The following NPIPB2 variants were observed in gnomAD, a reference collection of about 807,000 sequenced individuals.
NPIPB2 encodes the protein nuclear pore complex interacting protein family member B2, also known as nuclear pore complex-interacting protein family member B2.
A neutral mutation model predicts 30.8 loss-of-function variants in NPIPB2; 27 were observed. The observed-to-expected ratio is 0.88, with a 90% CI of 0.65 to 1.21. The LOEUF is 1.21. Among genes scored for constraint, NPIPB2 ranks in the 50% most tolerant of loss-of-function variants. NPIPB2 has a pLI of 0.00. For missense variants in NPIPB2, 440 were observed against 446.2 expected, an observed-to-expected ratio of 0.99 and a Z score of 0.13; for synonymous variants, 147 against 162.0, an observed-to-expected ratio of 0.91 and a Z score of 0.70.
intron 1 of NPIPB2, among the ~76,000 whole-genome samples, chr16:11,954,450 C>T (rs1305417513): frequency 6.7e-6 from 1 of 149,074 alleles, no homozygotes; most frequent in East Asian, 2.0e-4. Flanking sequence ...TGCACTCCAG[C>T]CTGGGTGACA....
chr16:11,953,713 T>A (rs796416697), intron 1 of NPIPB2, among the ~76,000 whole-genome samples: 68 of 3,884 alleles, frequency 0.018, no homozygotes, highest in African/African-American at 0.025. Context: ...TTTACTTTAA[T>A]TTTTTTTTTT....
intron 1 of NPIPB2, among the ~76,000 whole-genome samples, chr16:11,960,853 A>AC (rs1555509970): frequency 2.0e-5 from 3 of 147,098 alleles, no homozygotes; most frequent in Non-Finnish European, 3.0e-5. Flanking sequence ...GTTATGGGAG[A>AC]TTTTTTTTTC....
chr16:11,942,470 C>A (rs2054953747), upstream of NPIPB2, among the ~76,000 whole-genome samples: 1 of 150,296 alleles, frequency 6.7e-6, no homozygotes, highest in African/African-American at 2.4e-5. Flanking sequence ...TCTCAAATCA[C>A]CCCTAACCCA....
At chr16:11,953,632 G>T (rs1156900897) in intron 1 of NPIPB2, among the ~76,000 whole-genome samples, 1 of 151,874 alleles carries the variant, frequency 6.6e-6, no homozygotes, top group African/African-American at 2.4e-5. Context: ...TTACAGGCAT[G>T]AGCCACTGTG....
At chr16:11,966,787 A>G (rs1221080916) in intron 1 of NPIPB2, among the ~76,000 whole-genome samples, 1 of 152,182 alleles carries the variant, frequency 6.6e-6, no homozygotes, top group Non-Finnish European at 1.5e-5. Flanking sequence ...AATGTTAGAA[A>G]TGAATAACCA....
intron 1 of NPIPB2, chr16:11,965,490 T>C (rs2150939792): frequency 6.2e-7 from 1 of 1,608,330 alleles, no homozygotes; most frequent in Middle Eastern, 1.7e-4. Flanking sequence ...TTCATTGGTG[T>C]GAACTATTCT....
chr16:11,972,747 C>T (rs908778411), intron 1 of NPIPB2, among the ~76,000 whole-genome samples: 1 of 151,854 alleles, frequency 6.6e-6, no homozygotes, highest in Non-Finnish European at 1.5e-5. Context: ...GCCTGTAATC[C>T]CAGCTACTTG....
chr16:11,971,643 C>A (rs1045331987), intron 1 of NPIPB2, among the ~76,000 whole-genome samples: 19 of 151,998 alleles, frequency 1.3e-4, no homozygotes, highest in Admixed American at 1.2e-3. Flanking sequence ...TACAACTGTG[C>A]GGCACCAAGC....
intron 1 of NPIPB2, among the ~76,000 whole-genome samples, chr16:11,941,564 C>T (rs189451493): frequency 1.4e-4 from 21 of 151,154 alleles, no homozygotes; most frequent in African/African-American, 3.7e-4. Flanking sequence ...CAACAGGACA[C>T]GCGGGGCAAG....
intron 1 of NPIPB2, among the ~76,000 whole-genome samples, chr16:11,975,948 C>A (rs1464254030): frequency 6.6e-6 from 1 of 151,608 alleles, no homozygotes; most frequent in Non-Finnish European, 1.5e-5. Context: ...TGCTTGAGTC[C>A]TTTTTTTCTT....
intron 1 of NPIPB2, chr16:11,965,272 C>G: frequency 1.2e-6 from 2 of 1,609,650 alleles, no homozygotes; most frequent in East Asian, 2.2e-5. Flanking sequence ...AGAGATATTA[C>G]TTGTCCTTCC....
chr16:11,972,176 A>G (rs534016402), intron 1 of NPIPB2, among the ~76,000 whole-genome samples: 46 of 152,182 alleles, frequency 3.0e-4, no homozygotes, highest in African/African-American at 1.0e-3. Flanking sequence ...CAACAAAAAA[A>G]TTTCTGTGTT....
chr16:11,954,077 A>G (rs201592345), intron 1 of NPIPB2, among the ~76,000 whole-genome samples: 2 of 151,880 alleles, frequency 1.3e-5, no homozygotes, highest in East Asian at 3.9e-4. Flanking sequence ...TTTTATTAAT[A>G]GGCATTTTGG....
intron 1 of NPIPB2, among the ~76,000 whole-genome samples, chr16:11,974,264 T>C (rs1355157515): frequency 6.6e-6 from 1 of 152,178 alleles, no homozygotes; most frequent in Non-Finnish European, 1.5e-5. Flanking sequence ...ATGCCTGTAA[T>C]CCCAGCACTT....
intron 1 of NPIPB2, among the ~76,000 whole-genome samples, chr16:11,955,575 G>A (rs1417207812): frequency 6.6e-6 from 1 of 151,602 alleles, no homozygotes; most frequent in Admixed American, 6.6e-5. Context: ...AAAATAGCCA[G>A]GCATGGTGGC....
chr16:11,946,371 G>A (rs2150923239), upstream of NPIPB2, among the ~76,000 whole-genome samples: 1 of 84,302 alleles, frequency 1.2e-5, no homozygotes, highest in South Asian at 3.9e-4. Flanking sequence ...GGCAATAAAA[G>A]CTAAACTCTA....
intron 1 of NPIPB2, among the ~76,000 whole-genome samples, chr16:11,957,311 T>G (rs1331495181): frequency 6.6e-6 from 1 of 151,890 alleles, no homozygotes; most frequent in Non-Finnish European, 1.5e-5. Flanking sequence ...ACTACAGGCG[T>G]GTGACACCAC....
chr16:11,933,733 G>A (rs1221366562), intron 3 of NPIPB2, 21 bp from the exon 4 acceptor site: 3 of 1,596,738 alleles, frequency 1.9e-6, no homozygotes, highest in East Asian at 2.2e-5. Context: ...GTGAGGAGAG[G>A]AGAAGGTGAG....
chr16:11,958,488 G>A (rs549065779), intron 1 of NPIPB2, among the ~76,000 whole-genome samples: 13 of 151,602 alleles, frequency 8.6e-5, no homozygotes, highest in African/African-American at 2.4e-4. Flanking sequence ...CTAGCACTTT[G>A]GGAGGCCAAG....
Sources: gnomAD v4.1 joint callset for allele counts (sites outside exome capture counted in the v4.1 genomes callset) on GRCh38, gnomAD v4.1.1 for gene constraint, MANE v1.5 for transcripts, NCBI Gene and HGNC (gene_info 2026-07-23, HGNC 2026-07-21) for gene names.